The following IGSF22 variants were observed in gnomAD, a reference collection of about 807,000 sequenced individuals.
IGSF22 encodes immunoglobulin superfamily, member 22.
Under a neutral mutation model 127.0 loss-of-function variants are expected in IGSF22, and 119 were observed. That is an observed-to-expected ratio of 0.94 (90% confidence interval 0.81 to 1.09). The LOEUF is 1.09. IGSF22 is among the 50% of genes least tolerant of loss of function. IGSF22 has a pLI of 0.00. For synonymous variants in IGSF22, 568 were observed against 664.7 expected, an observed-to-expected ratio of 0.85 and a Z score of 2.24; for missense variants, 1,518 against 1,716.6, an observed-to-expected ratio of 0.88 and a Z score of 2.04.
At chr11:18,720,579 A>G (rs913270648) in intron 4 of IGSF22, among the ~76,000 whole-genome samples, 2 of 152,264 alleles carry the variant, frequency 1.3e-5, no homozygotes, top group East Asian at 1.9e-4. Context: ...TTGTAACTCT[A>G]TCTGCAGTTT....
At position 18,709,620 on chromosome 11, in the gene IGSF22, G is replaced by T. The variant is rs980583520; in HGVS notation, c.2765C>A (p.Ala922Asp). ...GTCTCCCTCTGCAGGCTCCCGCCAG[G>T]CCAGGGAAATGCTGGAGTTGGAGGA... ...SDSSNSSISL[A>D]WREPAEGDPP... is the part of the protein sequence containing the mutation. Residue 922 changes from alanine (A) to aspartate (D), a missense_variant, in exon 18 of 23, where the codon GCC becomes GAC. By Grantham distance (126) the Ala-to-Asp change is moderately radical (BLOSUM62 -2). Around this residue, in one of 3 missense-constraint regions of IGSF22, gnomAD observed 1,456 missense variants for 1,644.9 expected, o/e 0.89. Transcript: ENST00000513874. The surrounding 1 kb of genome is among the most constrained non-coding windows in gnomAD (Gnocchi z 4.8). 2.5e-6 allele frequency: 4 copies of T among 1,614,008 alleles called. No homozygotes were observed. The highest frequency in any genetic ancestry group is 1.7e-5 in the Admixed American group (1 of 60,002).
intron 15 of IGSF22, among the ~76,000 whole-genome samples, chr11:18,711,258 G>A (rs927459801): frequency 6.6e-6 from 1 of 152,194 alleles, no homozygotes; most frequent in Non-Finnish European, 1.5e-5. Flanking sequence ...TGATTCTAAT[G>A]TATAGCCGAC....
rs778108972 is a variant in IGSF22 at position 18,721,935 on chromosome 11, CT to C, written c.215del (p.Lys72SerfsTer54). The C allele has an allele frequency of 6.2e-7, 1 of 1,613,692 alleles. No individual in the cohort carries two copies. The highest frequency in any genetic ancestry group is 8.5e-7 in the Non-Finnish European group (1 of 1,180,036). On this transcript the variant is annotated frameshift_variant, in exon 3 of 23. Coordinates refer to ENST00000513874, the MANE Select transcript of IGSF22 (RefSeq NM_173588.4). LOFTEE classifies it high-confidence loss of function. The stretch of plus-strand genomic sequence containing the variant: ...CCTCGGGCGCGGTGACCGGTTGAGG[CT>C]TCTCCACGAACTCAGGGACGCTGTC... ...AGDSVPEFVEKPQPVTAPEGD... is the reference protein window; with the variant it reads ...AGDSVPEFVEXPQPVTAPEGD...
At chr11:18,708,562 A>C (rs1370733010) in intron 18 of IGSF22, among the ~76,000 whole-genome samples, 1 of 152,198 alleles carries the variant, frequency 6.6e-6, no homozygotes, top group East Asian at 1.9e-4. Flanking sequence ...CCATTGCAAC[A>C]ATTATAACAG....
chr11:18,725,212 CCTCCT>C (rs1261595716), intron 1 of IGSF22, among the ~76,000 whole-genome samples: 2 of 152,070 alleles, frequency 1.3e-5, no homozygotes, highest in Admixed American at 6.6e-5. Context: ...ATTGCAACCT[CCTCCT>C]CTCGAATTCA....
At position 18,718,076 on chromosome 11, in the gene IGSF22, CCTCAGTGG is replaced by C. The variant is rs778125541; in HGVS notation, c.820_827del (p.Pro274AspfsTer22). ...CGTACTTGCCCAGGGAGTACTGGAT[CCTCAGTGG>C]CTCAGTACCCTGCCTCATGGAACAG... On this transcript the variant is annotated frameshift_variant, in exon 9 of 23. Transcript: ENST00000513874. LOFTEE classifies it high-confidence loss of function. 21 of 1,613,964 alleles carry C rather than the reference CCTCAGTGG, an allele frequency of 1.3e-5. No homozygotes were observed. Among genetic ancestry groups the C allele is most frequent in the Non-Finnish European group, 1.6e-5 (19 of 1,179,984 alleles).
intron 22 of IGSF22, 170 bp downstream of exon 22, chr11:18,705,647 A>C (rs1848209999): frequency 1.6e-6 from 1 of 625,704 alleles, no homozygotes; most frequent in Admixed American, 2.9e-5. Context: ...AACAAATGAC[A>C]TCGAAAGGAT....
rs1848461047 is a variant in IGSF22, at chr11:18,716,219, T to C, written c.1247-503A>G. 6.6e-6 allele frequency among the ~76,000 whole-genome samples: 1 copy of C among 152,216 alleles called. No individual in the cohort carries two copies. Reference sequence around the variant, plus strand: ...TCGGACATCATTTCATTATATCATTTCTGATGTTGCCAGGTGATGCCTTTT... The same window carrying C: ...TCGGACATCATTTCATTATATCATTCCTGATGTTGCCAGGTGATGCCTTTT... On this transcript the variant is annotated intron_variant, in intron 10 of 22. Coordinates refer to ENST00000513874, the MANE Select transcript of IGSF22 (RefSeq NM_173588.4). The surrounding 1 kb of genome is among the most constrained non-coding windows in gnomAD (Gnocchi z 4.5).
At chr11:18,723,524 A>G (rs758667396) in intron 2 of IGSF22, among the ~76,000 whole-genome samples, 12 of 152,226 alleles carry the variant, frequency 7.9e-5, no homozygotes, top group Non-Finnish European at 1.5e-4. Flanking sequence ...GGGGTATCCA[A>G]TGTCTTGGCC....
chr11:18,719,330 G>GT (rs368121264), intron 7 of IGSF22, among the ~76,000 whole-genome samples: 26,525 of 146,072 alleles, frequency 0.18, 2,455 homozygotes, highest in South Asian at 0.31. Flanking sequence ...GTTTTTTTTT[G>GT]TTTTTTTTGT....
In IGSF22 at chr11:18,713,976, C is replaced by G. The variant is rs763482666; in HGVS notation, c.1971G>C (p.Glu657Asp). Residue 657 changes from glutamate (E) to aspartate (D), a missense_variant, in exon 14 of 23, where the codon GAG becomes GAC. By Grantham distance (45) the Glu-to-Asp change is conservative. Transcript: ENST00000513874. ...TGAGCAGTGCCTGGTCTTCCCCGCG[C>G]TCCATGGACACGCGTTCCTCCTCCG... The part of the protein sequence containing the change: ...EVTEEERVSM[E>D]RGEDQALLTI... The G allele has an allele frequency of 1.2e-6, 2 of 1,614,286 alleles. No homozygotes were observed. Among genetic ancestry groups the G allele is most frequent in the South Asian group, 2.2e-5 (2 of 91,088 alleles).
rs756605866 is a variant in IGSF22 at position 18,721,926 on chromosome 11, C to T, written c.225G>A (p.Pro75=). 6 of 1,613,308 alleles carry T rather than the reference C, an allele frequency of 3.7e-6. No individual in the cohort carries two copies. In the African/African-American group the frequency reaches 8.0e-5, roughly 22 times the overall value. ...GCAACACACCCTCGGGCGCGGTGAC[C>T]GGTTGAGGCTTCTCCACGAACTCAG... The part of the protein sequence containing the change: ...SVPEFVEKPQ[P]VTAPEGDKAV... Residue 75 remains proline (P), a synonymous_variant, in exon 3 of 23, where the codon CCG becomes CCA. Coordinates refer to ENST00000513874, the MANE Select transcript of IGSF22 (RefSeq NM_173588.4).
intron 4 of IGSF22, 21 bp from the exon 5 acceptor site, chr11:18,720,306 T>C (rs891809527): frequency 6.2e-7 from 1 of 1,602,652 alleles, no homozygotes. Context: ...GTCCGGCCAT[T>C]AGTGGGGGAA....
At chr11:18,712,722 G>A (rs915951143) in intron 14 of IGSF22, among the ~76,000 whole-genome samples, 1 of 152,122 alleles carries the variant, frequency 6.6e-6, no homozygotes, top group African/African-American at 2.4e-5. Context: ...TTTACCTTAC[G>A]TTATAATTAC....
chr11:18,725,430 C>CA (rs1479428932), intron 1 of IGSF22, among the ~76,000 whole-genome samples: 1 of 151,944 alleles, frequency 6.6e-6, no homozygotes, highest in African/African-American at 2.4e-5. Context: ...ATGTGGCCAG[C>CA]ATTGCAGTTT....
chr11:18,719,690 G>GCC (rs776546634), intron 7 of IGSF22, 26 bp downstream of exon 7: 2 of 1,606,370 alleles, frequency 1.2e-6, no homozygotes, highest in Non-Finnish European at 1.7e-6. Flanking sequence ...TAGCCTGCAG[G>GCC]CCCCTGCTCC....
rs778138862 is a variant in IGSF22 at position 18,721,941 on chromosome 11, C to T, written c.210G>A (p.Val70=). The T allele has an allele frequency of 3.7e-6, 6 of 1,613,780 alleles. No individual in the cohort carries two copies. The South Asian group carries it at 5.5e-5, about 15-fold the overall frequency. The change falls in exon 3 of 23, where the codon GTG becomes GTA. Residue 70 remains valine, a synonymous_variant. Transcript: ENST00000513874. ...IPAGDSVPEF[V]EKPQPVTAPE... ...GCGCGGTGACCGGTTGAGGCTTCTC[C>T]ACGAACTCAGGGACGCTGTCGCCCG...
Position 18,715,677 on chromosome 11 carries a change from C to T in IGSF22, c.1286G>A (p.Arg429His), listed in dbSNP as rs200877846. The T allele has an allele frequency of 1.4e-5, 22 of 1,613,186 alleles. No individual in the cohort carries two copies. The highest frequency in any genetic ancestry group is 8.3e-5 in the Admixed American group (5 of 59,980). Residue 429 changes from arginine (R) to histidine (H), a missense_variant, in exon 11 of 23, where the codon CGT becomes CAT. Coordinates refer to ENST00000513874, the MANE Select transcript of IGSF22 (RefSeq NM_173588.4). ...GCATGCGCGACTCCTCTCTTTCACA[C>T]GTACATTTTTGAGGTTGCTCACAAA... Reference protein sequence around the residue: ...IKFVSNLKNVRVKERSRACLE... With the variant: ...IKFVSNLKNVHVKERSRACLE...
At position 18,714,051 on chromosome 11, in the gene IGSF22, C is replaced by T; in HGVS notation, c.1896G>A (p.Arg632=). The T allele has an allele frequency of 1.9e-6, 3 of 1,614,272 alleles. No homozygotes were observed. The highest frequency in any genetic ancestry group is 2.5e-6 in the Non-Finnish European group (3 of 1,180,048). ...GHTAHIKVPF[R]GKPLPKVTWY... ...ATGTCACTTTGGGCAGTGGTTTTCC[C>T]CGGAAGGGGACCTTGATGTGGGCCG... The change falls in exon 14 of 23, where the codon CGG becomes CGA. Residue 632 remains arginine, a synonymous_variant. Transcript: ENST00000513874.
Sources: allele counts gnomAD v4.1 joint callset (sites outside exome capture counted in the v4.1 genomes callset), GRCh38; gene constraint gnomAD v4.1.1; regional missense constraint gnomAD v4.1.1; non-coding constraint Gnocchi (gnomAD v3.1); transcripts MANE v1.5; gene names NCBI Gene and HGNC (gene_info 2026-07-23, HGNC 2026-07-21).